DNAJC6: variants seen among roughly 807,000 people sequenced by gnomAD.
The protein encoded by DNAJC6 is DnaJ heat shock protein family (Hsp40) member C6, also known as auxilin.
A neutral mutation model predicts 110.0 loss-of-function variants in DNAJC6; 34 were observed. The observed-to-expected ratio is 0.31, with a 90% CI of 0.24 to 0.41. The LOEUF (loss-of-function observed/expected upper bound fraction) is 0.41, where lower values mean the gene tolerates loss of function less well. DNAJC6 is among the 10% of genes least tolerant of loss of function. The pLI is 1.00. For synonymous variants in DNAJC6, 406 were observed against 437.2 expected, an observed-to-expected ratio of 0.93 and a Z score of 0.89; for missense variants, 1,031 against 1,207.8, an observed-to-expected ratio of 0.85 and a Z score of 2.17.
At chr1:65,337,023 A>G (rs74608731) in intron 1 of DNAJC6, among the ~76,000 whole-genome samples, 5,356 of 151,266 alleles carry the variant, frequency 0.035, 147 homozygotes, top group South Asian at 0.14. Flanking sequence ...TGTTGTTGGG[A>G]AAAAAAACCA....
At chr1:65,411,158 G>A (rs1646125269) in intron 17 of DNAJC6, 92 bp from the exon 18 acceptor site, 1 of 1,345,780 alleles carries the variant, frequency 7.4e-7, no homozygotes, top group African/African-American at 1.5e-5. Flanking sequence ...TTTTGATGTT[G>A]CTGGAGCAGA....
chr1:65,310,021 T>A, intron 1 of DNAJC6, 83 bp downstream of exon 1: 1 of 1,366,136 alleles, frequency 7.3e-7, no homozygotes, highest in Non-Finnish European at 9.4e-7. Context: ...GGCCCCCCCG[T>A]GGTCCCCCAG....
chr1:65,314,835 G>T (rs1169514969), intron 1 of DNAJC6, among the ~76,000 whole-genome samples: 1 of 152,220 alleles, frequency 6.6e-6, no homozygotes, highest in Non-Finnish European at 1.5e-5. Flanking sequence ...GATGTTTCTG[G>T]ATAATCGTTT....
chr1:65,314,690 G>A (rs1298310324), intron 1 of DNAJC6, among the ~76,000 whole-genome samples: 5 of 152,178 alleles, frequency 3.3e-5, no homozygotes, highest in Non-Finnish European at 1.5e-5. Flanking sequence ...GTTTCGCCAT[G>A]TTGGCCAGGT....
At chr1:65,301,507 T>G (rs890197823) in intron 1 of DNAJC6, among the ~76,000 whole-genome samples, 1 of 152,198 alleles carries the variant, frequency 6.6e-6, no homozygotes, top group Non-Finnish European at 1.5e-5. Context: ...AAACTTCTGA[T>G]CGACCAGATT....
chr1:65,268,215 G>T (rs1303882660), intron 1 of DNAJC6, among the ~76,000 whole-genome samples: 5 of 152,176 alleles, frequency 3.3e-5, no homozygotes, highest in African/African-American at 1.2e-4. Context: ...ATGTTGACTT[G>T]TGCCTTAAGA....
chr1:65,273,338 C>T (rs1448992368), intron 1 of DNAJC6, among the ~76,000 whole-genome samples: 2 of 152,200 alleles, frequency 1.3e-5, no homozygotes, highest in Non-Finnish European at 1.5e-5. Context: ...GTGGCTCACG[C>T]CTGTAATCCC....
intron 1 of DNAJC6, among the ~76,000 whole-genome samples, chr1:65,363,636 A>G (rs1645618238): frequency 6.6e-6 from 1 of 152,094 alleles, no homozygotes; most frequent in African/African-American, 2.4e-5. Context: ...TATTGTCACA[A>G]CTCAGAGGTG....
intron 1 of DNAJC6, among the ~76,000 whole-genome samples, chr1:65,349,042 G>A (rs915689809): frequency 8.8e-5 from 12 of 136,680 alleles, no homozygotes; most frequent in East Asian, 4.0e-4. Context: ...ATATGTAAAT[G>A]CATATATAAA....
At chr1:65,287,450 T>C (rs1654057628) in intron 1 of DNAJC6, among the ~76,000 whole-genome samples, 1 of 152,186 alleles carries the variant, frequency 6.6e-6, no homozygotes, top group South Asian at 2.1e-4. Context: ...TCTTGAGTAG[T>C]GGTTATTTAT....
chr1:65,355,760 C>G (rs956586930), intron 1 of DNAJC6, among the ~76,000 whole-genome samples: 1 of 151,476 alleles, frequency 6.6e-6, no homozygotes, highest in African/African-American at 2.4e-5. Flanking sequence ...TCTGAACTAT[C>G]AAAAGTGAAG....
chr1:65,264,817 C>A, exon 1 of DNAJC6: 1 of 1,568,726 alleles, frequency 6.4e-7, no homozygotes, highest in East Asian at 2.3e-5. Flanking sequence ...ACTTCGCCCC[C>A]GAGACCGCTG....
rs1268455554 is a variant in DNAJC6, at chr1:65,281,888, G to A, written c.-131+16956G>A. On this transcript the variant is annotated intron_variant, in intron 1 of 19. Coordinates refer to the DNAJC6 transcript ENST00000263441. The stretch of plus-strand genomic sequence containing the variant: ...CTCCCAAAGTTCTGGGACCACGGGC[G>A]TTAGCCACCGTGCCCAGCCCTGTTT... Among the ~76,000 whole-genome samples the A allele has an allele frequency of 3.9e-5, 6 of 152,112 alleles. No individual in the cohort carries two copies. In the East Asian group the frequency reaches 7.8e-4, roughly 20 times the overall value.
chr1:65,301,906 G>A (rs1644982570), intron 1 of DNAJC6, among the ~76,000 whole-genome samples: 1 of 151,724 alleles, frequency 6.6e-6, no homozygotes, highest in Non-Finnish European at 1.5e-5. Context: ...CCTCTGGGAT[G>A]AGGGTCTTAT....
intron 1 of DNAJC6, among the ~76,000 whole-genome samples, chr1:65,287,502 A>G (rs1654059238): frequency 6.6e-6 from 1 of 152,120 alleles, no homozygotes; most frequent in Admixed American, 6.5e-5. Flanking sequence ...TTATCTTTTT[A>G]GACTTTGGAG....
At chr1:65,396,102 A>G (rs2101619927) in intron 13 of DNAJC6, among the ~76,000 whole-genome samples, 1 of 152,352 alleles carries the variant, frequency 6.6e-6, no homozygotes, top group Admixed American at 6.5e-5. Context: ...TGACTAAAAA[A>G]GATTCCAGGA....
Position 65,415,854 on chromosome 1 carries a change from C to T in DNAJC6, c.*2829C>T, listed in dbSNP as rs1048054980. On this transcript the variant is annotated 3_prime_UTR_variant, in exon 19 of 19. Coordinates refer to ENST00000371069, the MANE Select transcript of DNAJC6 (RefSeq NM_001256864.2). Reference sequence around the variant, plus strand: ...CTTTTGGCTAAAATAAATGTAGCATCTAATTTTATCAGTTTAACATCTGAT... The same window carrying T: ...CTTTTGGCTAAAATAAATGTAGCATTTAATTTTATCAGTTTAACATCTGAT... The T allele has an allele frequency of 2.0e-5, 3 of 152,168 alleles. No individual in the cohort carries two copies. Among genetic ancestry groups the T allele is most frequent in the African/African-American group, 7.2e-5 (3 of 41,438 alleles). 9.4% of individuals were successfully genotyped at this position (152,168 alleles called of 1,614,324 possible). A position where few individuals can be genotyped will look rare whatever the true frequency, so the allele number is the denominator to read the frequency against.
At chr1:65,360,295 A>G (rs949165007) in intron 1 of DNAJC6, among the ~76,000 whole-genome samples, 14 of 152,200 alleles carry the variant, frequency 9.2e-5, no homozygotes, top group Non-Finnish European at 1.9e-4. Context: ...GAATATATGA[A>G]GGTTACAGAT....
At chr1:65,332,676 T>C (rs980709710) in intron 1 of DNAJC6, among the ~76,000 whole-genome samples, 17 of 152,210 alleles carry the variant, frequency 1.1e-4, no homozygotes, top group Non-Finnish European at 4.4e-5. Context: ...TTATTCTCTT[T>C]TGCTTCATTA....
Sources: gnomAD v4.1 joint callset for allele counts (sites outside exome capture counted in the v4.1 genomes callset) on GRCh38, gnomAD v4.1.1 for gene constraint, MANE v1.5 for transcripts, NCBI Gene and HGNC (gene_info 2026-07-23, HGNC 2026-07-21) for gene names.